Variants in CARMIL1 observed in about 807,000 individuals in gnomAD.
CARMIL1 encodes capping protein regulator and myosin 1 linker 1, also known as F-actin-uncapping protein LRRC16A.
In CARMIL1, 90 loss-of-function variants were observed where a neutral mutation model predicts 177.1. That is an observed-to-expected ratio of 0.51 (90% CI 0.43 to 0.61). The LOEUF (loss-of-function observed/expected upper bound fraction) is 0.61, where lower values mean the gene tolerates loss of function less well. CARMIL1 is among the 20% of genes least tolerant of loss of function. The pLI, the probability that CARMIL1 is intolerant of heterozygous loss-of-function variation, is 0.00. For synonymous variants in CARMIL1, 577 were observed against 606.2 expected (o/e 0.95, Z 0.71); for missense variants, 1,380 against 1,667.0 (o/e 0.83, Z 3.00).
intron 2 of CARMIL1, among the ~76,000 whole-genome samples, chr6:25,413,435 T>A (rs1374350471): frequency 1.3e-5 from 2 of 152,188 alleles, no homozygotes; most frequent in African/African-American, 4.8e-5. Flanking sequence ...TGGAGTTATT[T>A]AAGATGGTAT....
intron 31 of CARMIL1, among the ~76,000 whole-genome samples, chr6:25,584,898 T>C (rs1362276329): frequency 6.6e-6 from 1 of 152,206 alleles, no homozygotes; most frequent in African/African-American, 2.4e-5. Flanking sequence ...CCCAACCTCA[T>C]CAATCTGTTC....
At chr6:25,302,931 G>A (rs1157814573) in intron 2 of CARMIL1, among the ~76,000 whole-genome samples, 1 of 151,958 alleles carries the variant, frequency 6.6e-6, no homozygotes, top group Non-Finnish European at 1.5e-5. Context: ...CTCCCTGTGT[G>A]GTACTGAGTA....
chr6:25,288,321 G>A (rs2690041), intron 2 of CARMIL1, among the ~76,000 whole-genome samples: 109,462 of 151,986 alleles, frequency 0.72, 40,061 homozygotes, highest in African/African-American at 0.85. Context: ...CCTGAGTCCT[G>A]TCCTTGCAGT....
At chr6:25,402,604 T>C (rs1793983316) in intron 2 of CARMIL1, among the ~76,000 whole-genome samples, 2 of 152,222 alleles carry the variant, frequency 1.3e-5, no homozygotes, top group Non-Finnish European at 1.5e-5. Flanking sequence ...TGATTTTTTC[T>C]TCTTCTAGAG....
At chr6:25,402,734 T>C (rs1793997054) in intron 2 of CARMIL1, among the ~76,000 whole-genome samples, 1 of 152,314 alleles carries the variant, frequency 6.6e-6, no homozygotes, top group Non-Finnish European at 1.5e-5. Flanking sequence ...GGCTGGTGGC[T>C]CCTGTATCTG....
intron 32 of CARMIL1, among the ~76,000 whole-genome samples, chr6:25,596,835 G>A (rs915214795): frequency 1.5e-5 from 2 of 133,024 alleles, no homozygotes; most frequent in African/African-American, 3.0e-5. Flanking sequence ...TGTATACTCT[G>A]TCACCAAACA....
chr6:25,528,392 G>A (rs1807381478), intron 23 of CARMIL1, among the ~76,000 whole-genome samples: 1 of 152,182 alleles, frequency 6.6e-6, no homozygotes, highest in Admixed American at 6.5e-5. Flanking sequence ...GATTTAGAGA[G>A]CACCACCCTT....
At chr6:25,409,729 C>T (rs1794740956) in intron 2 of CARMIL1, among the ~76,000 whole-genome samples, 1 of 152,184 alleles carries the variant, frequency 6.6e-6, no homozygotes, top group East Asian at 1.9e-4. Context: ...CACACACACA[C>T]ACATTTGCAT....
chr6:25,356,285 C>G (rs1025911448), intron 2 of CARMIL1, among the ~76,000 whole-genome samples: 1 of 152,074 alleles, frequency 6.6e-6, no homozygotes, highest in Non-Finnish European at 1.5e-5. Context: ...TCTCGATCTC[C>G]TGACCTCATG....
intron 2 of CARMIL1, among the ~76,000 whole-genome samples, chr6:25,405,134 G>T (rs1299982111): frequency 6.6e-6 from 1 of 152,180 alleles, no homozygotes; most frequent in Non-Finnish European, 1.5e-5. Flanking sequence ...GTGCTGAATG[G>T]AGTTATTTTA....
Position 25,279,802 on chromosome 6 carries a change from G to A in CARMIL1, c.7G>A (p.Glu3Lys). Residue 3 changes from glutamate to lysine, a missense_variant, in exon 1 of 37, where the codon GAG becomes AAG. Physicochemically the swap from Glu to Lys is moderately conservative, Grantham distance 56. Transcript: ENST00000329474. ...CCACACCTACAGGGCAACCATGACC[G>A]AGGAGAGCTCTGACGTTCCCAGGGA... is the stretch of plus-strand genomic sequence containing the variant. MT[E>K]ESSDVPRELI... The A allele has an allele frequency of 6.2e-7, 1 of 1,613,886 alleles. No homozygotes were observed.
chr6:25,489,258 CATTATT>C (rs1314066367), intron 13 of CARMIL1, among the ~76,000 whole-genome samples: 1 of 152,060 alleles, frequency 6.6e-6, no homozygotes, highest in Admixed American at 6.6e-5. Flanking sequence ...TGAACTTTCT[CATTATT>C]ATTATTGTTA....
chr6:25,520,063 T>C (rs1328191529), intron 22 of CARMIL1, among the ~76,000 whole-genome samples, 181 bp from the exon 23 acceptor site: 1 of 152,218 alleles, frequency 6.6e-6, no homozygotes, highest in Non-Finnish European at 1.5e-5. Flanking sequence ...TTGCCTGTGG[T>C]ATTTGCACAT....
chr6:25,449,241 G>T lies in CARMIL1; in HGVS notation c.372-657G>T, dbSNP rs570459125. ...CATTTTTTCTCACAATAACCCTATGGGATAACATCTCAGAAACTGACAAAT... is the reference window on the plus strand; with the variant it reads ...CATTTTTTCTCACAATAACCCTATGTGATAACATCTCAGAAACTGACAAAT... On this transcript the variant is annotated intron_variant, in intron 5 of 36. Transcript: ENST00000329474. Among the ~76,000 whole-genome samples the T allele has an allele frequency of 7.2e-5, 11 of 152,260 alleles. 2 individuals carry two copies. In the South Asian group the frequency reaches 1.4e-3, roughly 20 times the overall value.
At chr6:25,456,469 A>G (rs1041570817) in intron 8 of CARMIL1, among the ~76,000 whole-genome samples, 2 of 152,094 alleles carry the variant, frequency 1.3e-5, no homozygotes, top group Admixed American at 6.5e-5. Flanking sequence ...TCCAGTTGTT[A>G]TTTGTAAAAT....
chr6:25,521,399 C>G lies in CARMIL1; in HGVS notation c.1968+1062C>G, dbSNP rs189950163. ...GTGATTTTGGTTCTTTATGTTAGAA[C>G]TATAGTACACAAAGACAGTTTGTGA... On this transcript the variant is annotated intron_variant, in intron 23 of 36. Coordinates refer to ENST00000329474, the MANE Select transcript of CARMIL1 (RefSeq NM_017640.6). Among the ~76,000 whole-genome samples the G allele has an allele frequency of 9.1e-4, 139 of 152,264 alleles. 1 individual carries two copies. The highest frequency in any genetic ancestry group is 7.3e-3 in the Admixed American group (112 of 15,312).
chr6:25,420,355 C>A (rs752929961), intron 3 of CARMIL1, 191 bp downstream of exon 3: 27 of 597,068 alleles, frequency 4.5e-5, no homozygotes, highest in Non-Finnish European at 7.7e-5. Context: ...TTCAAGTTTT[C>A]CTTCCTTCTT....
intron 29 of CARMIL1, among the ~76,000 whole-genome samples, chr6:25,568,696 GA>G (rs1009297556): frequency 5.9e-4 from 90 of 152,018 alleles, no homozygotes; most frequent in African/African-American, 2.1e-3. Context: ...TTTTTTTTCT[GA>G]AAAAGATTTC....
chr6:25,346,864 T>C (rs1367929313), intron 2 of CARMIL1, among the ~76,000 whole-genome samples: 2 of 152,196 alleles, frequency 1.3e-5, no homozygotes, highest in African/African-American at 2.4e-5. Context: ...TTTAAAAGCA[T>C]AATATTAGGC....
Sources: allele counts gnomAD v4.1 joint callset (sites outside exome capture counted in the v4.1 genomes callset), GRCh38; gene constraint gnomAD v4.1.1; transcripts MANE v1.5; gene names NCBI Gene and HGNC (gene_info 2026-07-23, HGNC 2026-07-21).